The following DOCK11 variants were observed in gnomAD, a reference collection of about 807,000 sequenced individuals.
DOCK11 encodes the protein dedicator of cytokinesis 11.
Under a neutral mutation model 169.1 loss-of-function variants are expected in DOCK11, and 70 were observed. That is an observed-to-expected ratio of 0.41 (90% confidence interval 0.34 to 0.51). The LOEUF (loss-of-function observed/expected upper bound fraction) is 0.51, where lower values mean the gene tolerates loss of function less well. Ranked by LOEUF, DOCK11 falls within the 20% of genes least tolerant of loss-of-function variation. DOCK11 has a pLI of 0.10. For missense variants in DOCK11, 1,166 were observed against 1,538.8 expected (o/e 0.76, Z 4.05); for synonymous variants, 529 against 541.3 (o/e 0.98, Z 0.32).
rs753028669 is a variant in DOCK11, at chrX:118,561,366, G to T, written c.559-17G>T. The T allele has an allele frequency of 8.6e-7, 1 of 1,166,936 alleles. No individual in the cohort carries two copies. ...TATATGTAACAAATGTATCATTGCTGGGTTTTCCCCATGTAGGTATTCAAG... is the reference window on the plus strand; with the variant it reads ...TATATGTAACAAATGTATCATTGCTTGGTTTTCCCCATGTAGGTATTCAAG... On this transcript the variant is annotated splice_polypyrimidine_tract_variant and intron_variant, in intron 6 of 52. Coordinates refer to ENST00000276202, the MANE Select transcript of DOCK11 (RefSeq NM_144658.4).
At position 118,631,675 on chromosome X, in the gene DOCK11, C is replaced by T. The variant is rs184290001; in HGVS notation, c.3886+1185C>T. Among the ~76,000 whole-genome samples the T allele has an allele frequency of 1.2e-3, 136 of 110,444 alleles. 1 individual carries two copies. Among genetic ancestry groups the T allele is most frequent in the African/African-American group, 4.4e-3 (132 of 30,337 alleles). The stretch of plus-strand genomic sequence containing the variant: ...AAGAGGCCCAATCTTTATCTGTTCT[C>T]CACTCCCATTGCCACTTGACTAGCC... On this transcript the variant is annotated intron_variant, in intron 35 of 52. Coordinates refer to ENST00000276202, the MANE Select transcript of DOCK11 (RefSeq NM_144658.4).
At chrX:118,553,614 C>A (rs1175662402) in intron 6 of DOCK11, among the ~76,000 whole-genome samples, 1 of 111,525 alleles carries the variant, frequency 9.0e-6, no homozygotes, top group African/African-American at 3.3e-5. Flanking sequence ...GTCCAAAAGT[C>A]CTTAAATCCT....
intron 6 of DOCK11, 102 bp from the exon 7 acceptor site, chrX:118,561,281 G>A: frequency 1.2e-6 from 1 of 803,763 alleles, no homozygotes; most frequent in South Asian, 3.8e-5. Flanking sequence ...GATTGTCCAG[G>A]CACAATTGCC....
chrX:118,655,463 T>G (rs1470507373), intron 44 of DOCK11, among the ~76,000 whole-genome samples: 3 of 111,878 alleles, frequency 2.7e-5, no homozygotes, highest in Non-Finnish European at 5.6e-5. Flanking sequence ...TTCCCCGTCA[T>G]GTGTCTTAAC....
intron 10 of DOCK11, among the ~76,000 whole-genome samples, chrX:118,570,987 A>C (rs1333750474): frequency 8.9e-6 from 1 of 111,907 alleles, no homozygotes; most frequent in Non-Finnish European, 1.9e-5. Context: ...ATAATTTTTA[A>C]AAATCGATTT....
Position 118,572,447 on chromosome X carries a change from A to G in DOCK11, c.1160A>G (p.Lys387Arg). 8.3e-7 allele frequency: 1 copy of G among 1,205,249 alleles called. No homozygotes were observed. Among genetic ancestry groups the G allele is most frequent in the Non-Finnish European group, 1.1e-6 (1 of 891,394 alleles). The change falls in exon 11 of 53, where the codon AAA becomes AGA. Residue 387 changes from lysine to arginine, a missense_variant. Coordinates refer to ENST00000276202, the MANE Select transcript of DOCK11 (RefSeq NM_144658.4). Reference sequence around the variant, plus strand: ...TTGGGCCAAATTGGAGACAATGCAAAAGGACCACCCACAAATGTATGTATG... The same window carrying G: ...TTGGGCCAAATTGGAGACAATGCAAGAGGACCACCCACAAATGTATGTATG... Reference protein sequence around the residue: ...NILGQIGDNAKGPPTNVEPFF... With the variant: ...NILGQIGDNARGPPTNVEPFF...
chrX:118,650,578 G>A (rs968949890), intron 41 of DOCK11, among the ~76,000 whole-genome samples: 12 of 111,721 alleles, frequency 1.1e-4, no homozygotes, highest in African/African-American at 3.9e-4. Context: ...GTAAAAGTCT[G>A]CTATATAATT....
intron 1 of DOCK11, among the ~76,000 whole-genome samples, chrX:118,542,500 C>G (rs946580883): frequency 1.2e-5 from 1 of 84,707 alleles, no homozygotes; most frequent in Non-Finnish European, 2.3e-5. Flanking sequence ...AAGAGAATGT[C>G]TGTGTGTGTG....
In DOCK11 at chrX:118,627,346, T is replaced by A. The variant is rs192700913; in HGVS notation, c.3589-158T>A. ...CAGTATGCTAGTAGCTTTTTTTTTTTAAAAAAGAGTCACCTAAATACTAAT... is the reference window on the plus strand; with the variant it reads ...CAGTATGCTAGTAGCTTTTTTTTTTAAAAAAAGAGTCACCTAAATACTAAT... On this transcript the variant is annotated intron_variant, in intron 32 of 52. Transcript: ENST00000276202. Among the ~76,000 whole-genome samples, 614 of 110,806 alleles carry A rather than the reference T, an allele frequency of 5.5e-3. 4 individuals carry two copies. Among genetic ancestry groups the A allele is most frequent in the African/African-American group, 0.018 (542 of 30,486 alleles).
In DOCK11 at chrX:118,685,588, A is replaced by C. The variant is rs113550406; in HGVS notation, c.6103-100A>C. On this transcript the variant is annotated intron_variant, in intron 52 of 52. Transcript: ENST00000276202. ...CTTTCTGTCTTTTTAAATAACTGTC[A>C]GTGATAAATTGAAATATGCCTGCAA... 1.8e-3 allele frequency: 1,770 copies of C among 992,787 alleles called. 19 individuals are homozygous for C. The African/African-American group carries it at 0.029, about 16-fold the overall frequency. The allele number at this position is 992,787 out of a possible 1,213,427, so 81.8% of individuals were successfully genotyped here. A position where few individuals can be genotyped will look rare whatever the true frequency, so the allele number is the denominator to read the frequency against.
At chrX:118,559,763 A>C (rs2012842424) in intron 6 of DOCK11, among the ~76,000 whole-genome samples, 1 of 111,641 alleles carries the variant, frequency 9.0e-6, no homozygotes, top group Non-Finnish European at 1.9e-5. Context: ...AAACATGCAT[A>C]TATAATCACC....
At chrX:118,648,064 A>AT (rs2015819140) in intron 40 of DOCK11, among the ~76,000 whole-genome samples, 1 of 60,453 alleles carries the variant, frequency 1.7e-5, no homozygotes, top group Non-Finnish European at 2.8e-5. Flanking sequence ...TATATAATAT[A>AT]AATTGTAATA....
chrX:118,601,365 A>G (rs2014331216), intron 23 of DOCK11, among the ~76,000 whole-genome samples: 1 of 108,213 alleles, frequency 9.2e-6, no homozygotes, highest in Non-Finnish European at 1.9e-5. Flanking sequence ...TTGAGTCTCC[A>G]GTAAACTGTG....
chrX:118,642,853 A>T (rs1462017335), intron 39 of DOCK11, among the ~76,000 whole-genome samples: 2 of 112,100 alleles, frequency 1.8e-5, no homozygotes, highest in African/African-American at 6.5e-5. Context: ...ATTGCTGATT[A>T]AAACAAAGTT....
intron 1 of DOCK11, among the ~76,000 whole-genome samples, chrX:118,503,450 A>G (rs1179844168): frequency 1.8e-5 from 2 of 112,085 alleles, no homozygotes; most frequent in Admixed American, 1.9e-4. Flanking sequence ...GGATTTGGTG[A>G]TTCTTAAAAG....
intron 10 of DOCK11, 50 bp from the exon 11 acceptor site, chrX:118,572,273 A>G: frequency 9.3e-7 from 1 of 1,074,874 alleles, no homozygotes; most frequent in Non-Finnish European, 1.2e-6. Context: ...ATGTAAATCA[A>G]TATGAATCCC....
At chrX:118,609,558 G>A (rs113165827) in intron 27 of DOCK11, among the ~76,000 whole-genome samples, 2 of 111,931 alleles carry the variant, frequency 1.8e-5, no homozygotes, top group East Asian at 5.6e-4. Flanking sequence ...CTGAGGTCTC[G>A]CAGTTGATAT....
chrX:118,659,546 G>A lies in DOCK11; in HGVS notation c.4970-3140G>A, dbSNP rs146435164. Among the ~76,000 whole-genome samples, 417 of 112,074 alleles carry A rather than the reference G, an allele frequency of 3.7e-3. 8 individuals are homozygous for A. The highest frequency in any genetic ancestry group is 0.034 in the South Asian group (90 of 2,670). On this transcript the variant is annotated intron_variant, in intron 44 of 52. Transcript: ENST00000276202. ...ATTTTAAAGATTCTAACAAAGGGTCGTGATGTAATTGGATATTGATGGGTG... is the reference window on the plus strand; with the variant it reads ...ATTTTAAAGATTCTAACAAAGGGTCATGATGTAATTGGATATTGATGGGTG...
At chrX:118,584,396 C>A (rs1238257754) in intron 14 of DOCK11, among the ~76,000 whole-genome samples, 2 of 110,205 alleles carry the variant, frequency 1.8e-5, no homozygotes, top group Non-Finnish European at 3.8e-5. Context: ...TGAGCAGTAT[C>A]CCATTGCGTG....
Sources: allele counts gnomAD v4.1 joint callset (sites outside exome capture counted in the v4.1 genomes callset), GRCh38; gene constraint gnomAD v4.1.1; transcripts MANE v1.5; gene names NCBI Gene and HGNC (gene_info 2026-07-23, HGNC 2026-07-21).